The following NSFL1C variants were observed in gnomAD, a reference collection of about 807,000 sequenced individuals.
The protein encoded by NSFL1C is NSFL1 cofactor p47.
A neutral mutation model predicts 43.1 loss-of-function variants in NSFL1C; 14 were observed. That is an observed-to-expected ratio of 0.32 (90% CI 0.21 to 0.51). The LOEUF is 0.51. Ranked by LOEUF, NSFL1C falls within the 20% of genes least tolerant of loss-of-function variation. NSFL1C has a pLI of 0.98. For synonymous variants in NSFL1C, 171 were observed against 183.5 expected, an observed-to-expected ratio of 0.93 and a Z score of 0.55; for missense variants, 406 against 472.5, an observed-to-expected ratio of 0.86 and a Z score of 1.30.
At chr20:1,455,745 A>G in intron 3 of NSFL1C, 1 of 779,426 alleles carries the variant, frequency 1.3e-6, no homozygotes, top group Admixed American at 1.7e-5. Context: ...TGAGGTTCAA[A>G]TCAGCAGATG....
chr20:1,456,292 G>A (rs2090298886), intron 3 of NSFL1C: 2 of 153,262 alleles, frequency 1.3e-5, no homozygotes. Flanking sequence ...AGGAGAACGA[G>A]AAAGACATTT....
intron 7 of NSFL1C, among the ~76,000 whole-genome samples, chr20:1,449,853 G>C (rs1033569843): frequency 6.6e-6 from 1 of 152,092 alleles, no homozygotes; most frequent in East Asian, 1.9e-4. Context: ...AGGCACGGGA[G>C]CAGCTAAAGC....
chr20:1,456,522 AGTT>A (rs1301491135), intron 3 of NSFL1C: 5 of 152,240 alleles, frequency 3.3e-5, no homozygotes, highest in Non-Finnish European at 7.3e-5. Flanking sequence ...TTCCCGAAAT[AGTT>A]ATTATACAAT....
At chr20:1,457,971 T>C in intron 3 of NSFL1C, 1 of 416,646 alleles carries the variant, frequency 2.4e-6, no homozygotes, top group Non-Finnish European at 4.3e-6. Flanking sequence ...TTTTCCTTGT[T>C]TCCCTCCCCT....
chr20:1,450,795 T>C (rs1260021320), intron 7 of NSFL1C, among the ~76,000 whole-genome samples: 3 of 152,242 alleles, frequency 2.0e-5, no homozygotes, highest in Admixed American at 1.3e-4. Context: ...GTAATTCTGG[T>C]AGCTGCCTAA....
At chr20:1,450,395 A>G (rs537414928) in intron 7 of NSFL1C, among the ~76,000 whole-genome samples, 1 of 152,196 alleles carries the variant, frequency 6.6e-6, no homozygotes, top group African/African-American at 2.4e-5. Flanking sequence ...ATAAAATGCA[A>G]GTGGAACTGG....
intron 8 of NSFL1C, among the ~76,000 whole-genome samples, chr20:1,445,250 C>T (rs967521168): frequency 2.0e-5 from 3 of 152,148 alleles, no homozygotes; most frequent in Non-Finnish European, 4.4e-5. Flanking sequence ...TTCACAGGCC[C>T]CTTGTGGGGA....
chr20:1,456,055 A>G (rs2090293562), intron 3 of NSFL1C: 2 of 300,966 alleles, frequency 6.6e-6, no homozygotes, highest in South Asian at 9.6e-5. Context: ...TCCTATTCAG[A>G]GCTAAGTCAA....
chr20:1,465,004 T>A (rs1426207844), intron 1 of NSFL1C, among the ~76,000 whole-genome samples: 1 of 152,194 alleles, frequency 6.6e-6, no homozygotes, highest in Non-Finnish European at 1.5e-5. Flanking sequence ...TTCTTTCAAG[T>A]TGTTTCCTAA....
At chr20:1,459,613 G>A (rs1361091506) in intron 2 of NSFL1C, among the ~76,000 whole-genome samples, 1 of 152,188 alleles carries the variant, frequency 6.6e-6, no homozygotes. Context: ...ACAATCAGGG[G>A]ACAGAAGAGT....
chr20:1,461,326 C>T lies in NSFL1C; in HGVS notation c.203+3003G>A, dbSNP rs115183153. Among the ~76,000 whole-genome samples the T allele has an allele frequency of 7.6e-3, 1,158 of 152,264 alleles. 11 individuals are homozygous for T. The highest frequency in any genetic ancestry group is 0.026 in the African/African-American group (1,091 of 41,536). ...TAGTTGTGACTGGAGTTCTGTGGAA[C>T]AGAATTATGGCGTGCAGCCTGGTCA... On this transcript the variant is annotated intron_variant, in intron 2 of 8. Coordinates refer to ENST00000216879, the MANE Select transcript of NSFL1C (RefSeq NM_016143.5).
rs2090222442 is a variant in NSFL1C at position 1,453,263 on chromosome 20, C to T, written c.538-123G>A. 4.6e-6 allele frequency: 3 copies of T among 651,872 alleles called. No homozygotes were observed. In the Admixed American group the frequency reaches 7.1e-5, roughly 15 times the overall value. 40.4% of individuals were successfully genotyped at this position (651,872 alleles called of 1,614,324 possible). A position where few individuals can be genotyped will look rare whatever the true frequency, so the allele number is the denominator to read the frequency against. ...CTATTAAAACACACATAGAGACACA[C>T]ATATATACATGTGTGCACAAGCAAC... On this transcript the variant is annotated intron_variant, in intron 5 of 8. Transcript: ENST00000216879.
At chr20:1,447,885 T>C (rs573770215) in intron 7 of NSFL1C, among the ~76,000 whole-genome samples, 4 of 152,186 alleles carry the variant, frequency 2.6e-5, no homozygotes, top group African/African-American at 9.6e-5. Flanking sequence ...CTGAGAGGGG[T>C]GTATCTCCAT....
intron 7 of NSFL1C, among the ~76,000 whole-genome samples, chr20:1,447,036 T>C (rs954145167): frequency 1.3e-5 from 2 of 152,240 alleles, no homozygotes; most frequent in Non-Finnish European, 2.9e-5. Context: ...CAGTTAAATA[T>C]TGCCCTGAAG....
At position 1,460,512 on chromosome 20, in the gene NSFL1C, C is replaced by A. The variant is rs2090388514; in HGVS notation, c.204-2238G>T. On this transcript the variant is annotated intron_variant, in intron 2 of 8. Transcript: ENST00000216879. ...CAATACTTTTGTCCTATGGTCTCTA[C>A]AAATTGGCTAAATATCTCAGAAAGT... Among the ~76,000 whole-genome samples, 7 of 152,324 alleles carry A rather than the reference C, an allele frequency of 4.6e-5. No homozygotes were observed. In the South Asian group the frequency reaches 1.4e-3, roughly 32 times the overall value.
At chr20:1,466,660 C>A in intron 1 of NSFL1C, 60 bp downstream of exon 1, 1 of 1,477,320 alleles carries the variant, frequency 6.8e-7, no homozygotes, top group Non-Finnish European at 9.1e-7. Context: ...GCTTAAGGCA[C>A]CAGGCGCCCG....
chr20:1,445,890 A>T, intron 7 of NSFL1C, 60 bp from the exon 8 acceptor site: 19 of 1,529,880 alleles, frequency 1.2e-5, no homozygotes, highest in Non-Finnish European at 1.6e-5. Context: ...CAAGAAGGGA[A>T]TCCCTTCTTG....
At chr20:1,462,512 C>G (rs1021172459) in intron 2 of NSFL1C, among the ~76,000 whole-genome samples, 6 of 150,410 alleles carry the variant, frequency 4.0e-5, no homozygotes, top group African/African-American at 1.5e-4. Flanking sequence ...GTCCTTGATT[C>G]TTTTACTTTT....
chr20:1,460,300 G>A lies in NSFL1C; in HGVS notation c.204-2026C>T, dbSNP rs376496897. On this transcript the variant is annotated intron_variant, in intron 2 of 8. Coordinates refer to ENST00000216879, the MANE Select transcript of NSFL1C (RefSeq NM_016143.5). ...CATCAGCATTACAGTGAACCTGTCAGAAATGCAAATCCCCAGGCCCCCTCT... is the reference window on the plus strand; with the variant it reads ...CATCAGCATTACAGTGAACCTGTCAAAAATGCAAATCCCCAGGCCCCCTCT... Among the ~76,000 whole-genome samples the A allele has an allele frequency of 2.5e-3, 382 of 152,288 alleles. 15 individuals are homozygous for A. In the South Asian group the frequency reaches 0.075, roughly 30 times the overall value.
Sources: gnomAD v4.1 joint callset for allele counts (sites outside exome capture counted in the v4.1 genomes callset) on GRCh38, gnomAD v4.1.1 for gene constraint, MANE v1.5 for transcripts, NCBI Gene and HGNC (gene_info 2026-07-23, HGNC 2026-07-21) for gene names.